HERC3: variants seen among roughly 807,000 people sequenced by gnomAD.
HERC3 encodes the protein HECT and RLD domain containing E3 ubiquitin protein ligase 3, also known as probable E3 ubiquitin-protein ligase HERC3.
Under a neutral mutation model 129.9 loss-of-function variants are expected in HERC3, and 58 were observed. The observed-to-expected ratio is 0.45, with a 90% CI of 0.36 to 0.56. HERC3 has a LOEUF of 0.56. Among genes scored for constraint, HERC3 ranks in the 20% least tolerant of loss-of-function variants. The pLI is 0.00. For missense variants in HERC3, 835 were observed against 1,244.2 expected (o/e 0.67, Z 4.95); for synonymous variants, 430 against 451.0 (o/e 0.95, Z 0.59).
At chr4:88,544,389 G>A in the HERC3 span, among the ~76,000 whole-genome samples, 4 of 152,204 alleles carry the variant, frequency 2.6e-5, no homozygotes, top group Admixed American at 1.3e-4. Flanking sequence ...ACACCAGTTA[G>A]AATGGCTATT....
chr4:88,597,006 A>AT (rs990740789), intron 2 of HERC3, among the ~76,000 whole-genome samples: 30 of 152,122 alleles, frequency 2.0e-4, no homozygotes, highest in African/African-American at 7.0e-4. Flanking sequence ...GATGGAGTTT[A>AT]TTTTTTACTG....
chr4:88,604,167 G>A (rs1420319891), intron 2 of HERC3, among the ~76,000 whole-genome samples: 1 of 152,158 alleles, frequency 6.6e-6, no homozygotes, highest in African/African-American at 2.4e-5. Flanking sequence ...TTACAGGCAT[G>A]CGCCACCGCG....
chr4:88,594,257 C>A (rs1170943731), intron 1 of HERC3, among the ~76,000 whole-genome samples: 1 of 152,114 alleles, frequency 6.6e-6, no homozygotes, highest in Non-Finnish European at 1.5e-5. Flanking sequence ...TTTGTATGAC[C>A]AATTAAAAAC....
In HERC3 at chr4:88,697,853, C is replaced by G. The variant is rs750299510; in HGVS notation, c.2658-6245C>G. The G allele has an allele frequency of 8.8e-6, 13 of 1,473,080 alleles. No individual in the cohort carries two copies. The East Asian group carries it at 3.0e-4, about 34-fold the overall frequency. 91.3% of individuals were successfully genotyped at this position (1,473,080 alleles called of 1,614,324 possible). A position where few individuals can be genotyped will look rare whatever the true frequency, so the allele number is the denominator to read the frequency against. Reference sequence around the variant, plus strand: ...TTGCGGATGCGGCAAGTGGCGGTGACGTGCGGCCGCGGGAATGACGTTGGC... The same window carrying G: ...TTGCGGATGCGGCAAGTGGCGGTGAGGTGCGGCCGCGGGAATGACGTTGGC... On this transcript the variant is annotated intron_variant, in intron 23 of 25. Transcript: ENST00000402738.
chr4:88,541,593 T>C, the HERC3 span, among the ~76,000 whole-genome samples: 1 of 152,218 alleles, frequency 6.6e-6, no homozygotes, highest in Non-Finnish European at 1.5e-5. Flanking sequence ...CAAGCAGGCC[T>C]AATAGACATC....
intron 23 of HERC3, among the ~76,000 whole-genome samples, chr4:88,688,124 G>T (rs1733677507): frequency 6.6e-6 from 1 of 152,194 alleles, no homozygotes; most frequent in African/African-American, 2.4e-5. Context: ...AGGTGCCACG[G>T]TACTAGGGTA....
At chr4:88,647,262 G>A (rs976296516) in intron 3 of HERC3, among the ~76,000 whole-genome samples, 3 of 152,176 alleles carry the variant, frequency 2.0e-5, no homozygotes, top group African/African-American at 7.2e-5. Flanking sequence ...AGATCAGAGC[G>A]ACAGTATTCT....
chr4:88,638,170 G>A (rs921092853), intron 3 of HERC3, among the ~76,000 whole-genome samples: 11 of 152,168 alleles, frequency 7.2e-5, no homozygotes, highest in Non-Finnish European at 1.3e-4. Context: ...GTACAAAGAG[G>A]AGCTGGTATC....
At chr4:88,526,788 C>T in the HERC3 span, among the ~76,000 whole-genome samples, 1 of 152,222 alleles carries the variant, frequency 6.6e-6, no homozygotes, top group East Asian at 1.9e-4. Flanking sequence ...CCACCTTGGC[C>T]TCCCAAAGTG....
chr4:88,617,898 G>C lies in HERC3; in HGVS notation c.226+11849G>C, dbSNP rs947761012. Among the ~76,000 whole-genome samples the C allele has an allele frequency of 3.9e-5, 6 of 152,034 alleles. No homozygotes were observed. The South Asian group carries it at 6.3e-4, about 16-fold the overall frequency. ...GGAAAAAAAAAGAAAAAAAAAACAG[G>C]GAGTGCAGAAAAGTGGGGACCATTA... On this transcript the variant is annotated intron_variant, in intron 3 of 25. Transcript: ENST00000402738.
At chr4:88,597,448 A>G (rs1722523358) in intron 2 of HERC3, among the ~76,000 whole-genome samples, 1 of 152,220 alleles carries the variant, frequency 6.6e-6, no homozygotes, top group Non-Finnish European at 1.5e-5. Context: ...AATGCTGGTC[A>G]TATGCCCAGC....
chr4:88,676,105 A>C, intron 16 of HERC3, 113 bp from the exon 17 acceptor site: 4 of 734,276 alleles, frequency 5.4e-6, no homozygotes, highest in Non-Finnish European at 9.2e-6. Context: ...TGTTAGTTCT[A>C]TGGCCAGTAG....
At chr4:88,702,711 T>C (rs894065586) in intron 23 of HERC3, among the ~76,000 whole-genome samples, 1 of 152,254 alleles carries the variant, frequency 6.6e-6, no homozygotes, top group Admixed American at 6.5e-5. Flanking sequence ...TGCACTCATC[T>C]TCTTGTGCAC....
chr4:88,643,017 A>G (rs182232847), intron 3 of HERC3, among the ~76,000 whole-genome samples: 99 of 152,336 alleles, frequency 6.5e-4, no homozygotes, highest in African/African-American at 2.2e-3. Flanking sequence ...CAGTGTCTAC[A>G]TTGAAAATTA....
chr4:88,553,520 A>G, the HERC3 span, among the ~76,000 whole-genome samples: 2 of 152,214 alleles, frequency 1.3e-5, no homozygotes, highest in African/African-American at 4.8e-5. Context: ...GGGAAAAGAG[A>G]ATGAAAATTA....
rs1368029312 is a variant in HERC3, at chr4:88,689,898, A to G, written c.2657+2599A>G. 3 of 692,568 alleles carry G rather than the reference A, an allele frequency of 4.3e-6. No individual in the cohort carries two copies. The African/African-American group carries it at 5.9e-5, about 14-fold the overall frequency. 42.9% of individuals were successfully genotyped at this position (692,568 alleles called of 1,614,324 possible). ...TGGCCCATCCTTGACATTTTAACAA[A>G]CGACTCGAAGCTAGTATGATCTCAT... On this transcript the variant is annotated intron_variant, in intron 23 of 25. Transcript: ENST00000402738.
intron 7 of HERC3, among the ~76,000 whole-genome samples, chr4:88,654,917 T>A (rs1284277047): frequency 6.6e-6 from 1 of 152,242 alleles, no homozygotes; most frequent in Admixed American, 6.5e-5. Context: ...ATCATTGTAC[T>A]TTCAAACGAT....
rs1320929101 is a variant in HERC3 at position 88,669,856 on chromosome 4, A to G, written c.1634-4A>G. On this transcript the variant is annotated splice_region_variant and splice_polypyrimidine_tract_variant and intron_variant, in intron 14 of 25. Transcript: ENST00000402738. Reference sequence around the variant, plus strand: ...TGAAATATGTCTTTTCTTTCTTTCTAAAGATAACTGGTGGTCTCAGGTATG... The same window carrying G: ...TGAAATATGTCTTTTCTTTCTTTCTGAAGATAACTGGTGGTCTCAGGTATG... 15 of 1,608,504 alleles carry G rather than the reference A, an allele frequency of 9.3e-6. No individual in the cohort carries two copies. Among genetic ancestry groups the G allele is most frequent in the Non-Finnish European group, 1.2e-5 (14 of 1,176,116 alleles).
At chr4:88,691,899 T>C (rs1263042099) in intron 23 of HERC3, among the ~76,000 whole-genome samples, 1 of 152,272 alleles carries the variant, frequency 6.6e-6, no homozygotes, top group Admixed American at 6.5e-5. Context: ...CAGATACTTC[T>C]GGCATTGAGG....
Sources: gnomAD v4.1 joint callset for allele counts (sites outside exome capture counted in the v4.1 genomes callset) on GRCh38, gnomAD v4.1.1 for gene constraint, MANE v1.5 for transcripts, NCBI Gene and HGNC (gene_info 2026-07-23, HGNC 2026-07-21) for gene names.